ABLIM2: variants seen among roughly 807,000 people sequenced by gnomAD.
ABLIM2 encodes actin binding LIM protein family member 2, also known as actin-binding LIM protein 2.
ABLIM2 carries 53 observed loss-of-function variants against 97.7 expected under a neutral mutation model. The observed-to-expected ratio is 0.54, with a 90% CI of 0.44 to 0.68. ABLIM2 has a LOEUF of 0.68. ABLIM2 is among the 30% of genes least tolerant of loss of function. The probability of loss-of-function intolerance (pLI) is 0.00; values close to 1 mark genes in which losing one functional copy is unlikely to be tolerated. For synonymous variants in ABLIM2, 361 were observed against 345.8 expected, an observed-to-expected ratio of 1.04 and a Z score of -0.49; for missense variants, 835 against 867.2, an observed-to-expected ratio of 0.96 and a Z score of 0.47.
At position 7,996,561 on chromosome 4, in the gene ABLIM2, C is replaced by A. The variant is rs1042879057; in HGVS notation, c.1619-3634G>T. 3.3e-5 allele frequency among the ~76,000 whole-genome samples: 5 copies of A among 152,190 alleles called. No homozygotes were observed. Among genetic ancestry groups the A allele is most frequent in the African/African-American group, 9.6e-5 (4 of 41,458 alleles). On this transcript the variant is annotated intron_variant, in intron 16 of 20. Transcript: ENST00000447017. This position sits in a 1 kb window ranked among gnomAD's most constrained non-coding sequence, Gnocchi z 4.5. ...CCCTGAGCACCCGTATCAGATGGTG[C>A]TAGAAATTCTGCTTCAACCATCCAA...
rs1458240922 is a variant in ABLIM2, at chr4:8,001,102, C to T, written c.1618+6957G>A. ...CACAGGTTCGGGTCCCCTCTCTGAGCCTTGGTGTGTCCATCTGAGGAAGAC... is the reference window on the plus strand; with the variant it reads ...CACAGGTTCGGGTCCCCTCTCTGAGTCTTGGTGTGTCCATCTGAGGAAGAC... On this transcript the variant is annotated intron_variant, in intron 16 of 20. Transcript: ENST00000447017. This position sits in a 1 kb window ranked among gnomAD's most constrained non-coding sequence, Gnocchi z 4.2. 2.0e-5 allele frequency among the ~76,000 whole-genome samples: 3 copies of T among 152,170 alleles called. No individual in the cohort carries two copies. Among genetic ancestry groups the T allele is most frequent in the Non-Finnish European group, 4.4e-5 (3 of 68,026 alleles).
chr4:8,038,976 G>A (rs564529417), intron 9 of ABLIM2, among the ~76,000 whole-genome samples: 1 of 152,196 alleles, frequency 6.6e-6, no homozygotes, highest in African/African-American at 2.4e-5. Flanking sequence ...TCTTCCCTAA[G>A]CTCTGCCTCT....
At position 8,083,252 on chromosome 4, in the gene ABLIM2, C is replaced by T. The variant is rs1821098037; in HGVS notation, c.455-2450G>A. Among the ~76,000 whole-genome samples, 1 of 152,326 alleles carries T rather than the reference C, an allele frequency of 6.6e-6. No individual in the cohort carries two copies. The highest frequency in any genetic ancestry group is 1.9e-4 in the East Asian group (1 of 5,180). ...GCGGTCAGATCCCAGCAATGCCCCCCACCGGCTGTGACCTGGGGAAGTCAC... is the reference window on the plus strand; with the variant it reads ...GCGGTCAGATCCCAGCAATGCCCCCTACCGGCTGTGACCTGGGGAAGTCAC... On this transcript the variant is annotated intron_variant, in intron 4 of 20. Coordinates refer to ENST00000447017, the MANE Select transcript of ABLIM2 (RefSeq NM_001130083.2). The surrounding 1 kb of genome is among the most constrained non-coding windows in gnomAD (Gnocchi z 4.6).
In ABLIM2 at chr4:7,969,371, T is replaced by C. The variant is rs1338569266; in HGVS notation, c.1825-2268A>G. On this transcript the variant is annotated intron_variant, in intron 20 of 20. Transcript: ENST00000447017. ...GAGGAGGCTGAGGTGGGAGGATCTC[T>C]TGAAGCCAGGGGGTTGAAGCTGCAG... is the stretch of plus-strand genomic sequence containing the variant. Among the ~76,000 whole-genome samples, 3 of 152,126 alleles carry C rather than the reference T, an allele frequency of 2.0e-5. No homozygotes were observed. In the East Asian group the frequency reaches 5.8e-4, roughly 29 times the overall value.
At chr4:8,126,036 C>T (rs746565651) in intron 1 of ABLIM2, among the ~76,000 whole-genome samples, 7 of 152,168 alleles carry the variant, frequency 4.6e-5, no homozygotes, top group South Asian at 4.1e-4. Context: ...CCAAGCCCCA[C>T]GGTGAGGTCA....
chr4:8,009,094 G>A lies in ABLIM2; in HGVS notation c.1432C>T (p.Arg478Ter), dbSNP rs770207725. 4 of 1,613,930 alleles carry A rather than the reference G, an allele frequency of 2.5e-6. No homozygotes were observed. Among genetic ancestry groups the A allele is most frequent in the African/African-American group, 1.3e-5 (1 of 75,010 alleles). Reference sequence around the variant, plus strand: ...AAGCTTCCATCCTCCCCATCCGATCGCCTGGCAGCTGGAAGGGAAAAATCC... The same window carrying A: ...AAGCTTCCATCCTCCCCATCCGATCACCTGGCAGCTGGAAGGGAAAAATCC... Reference protein sequence around the residue: ...PPIYRQHAARRSDGEDGSLDQ... With the variant: ...PPIYRQHAAR The change falls in exon 15 of 21, where the codon CGA (arginine) becomes TGA (stop). Residue 478 changes from arginine (R) to a stop codon, truncating the protein, a stop_gained. Coordinates refer to ENST00000447017, the MANE Select transcript of ABLIM2 (RefSeq NM_001130083.2). LOFTEE classifies it high-confidence loss of function.
intron 1 of ABLIM2, among the ~76,000 whole-genome samples, chr4:8,156,279 G>A (rs1049302537): frequency 6.7e-6 from 1 of 148,698 alleles, no homozygotes; most frequent in Non-Finnish European, 1.5e-5. Context: ...GTGAGATGAA[G>A]CTACACCACA....
chr4:8,045,898 C>T (rs948412523), intron 8 of ABLIM2, among the ~76,000 whole-genome samples: 5 of 152,118 alleles, frequency 3.3e-5, no homozygotes, highest in African/African-American at 9.7e-5. Context: ...CCTGGGAACA[C>T]GGGACCATCT....
chr4:7,967,205 T>C (rs541243416), intron 20 of ABLIM2, 102 bp from the exon 21 acceptor site: 292 of 961,548 alleles, frequency 3.0e-4, no homozygotes, highest in Non-Finnish European at 4.5e-4. Flanking sequence ...CAGGATTGCA[T>C]TGAGGATGGG....
At chr4:7,971,705 C>T (rs1430274839) in intron 20 of ABLIM2, among the ~76,000 whole-genome samples, 1 of 152,118 alleles carries the variant, frequency 6.6e-6, no homozygotes, top group Admixed American at 6.5e-5. Flanking sequence ...GGACAGGTTG[C>T]CCTGGCCTAC....
chr4:8,034,015 C>T (rs1044943188), intron 10 of ABLIM2, among the ~76,000 whole-genome samples: 2 of 152,188 alleles, frequency 1.3e-5, no homozygotes, highest in Non-Finnish European at 2.9e-5. Flanking sequence ...GGAGGAGGAT[C>T]GTGAGGCCAG....
At position 8,043,058 on chromosome 4, in the gene ABLIM2, G is replaced by A. The variant is rs1789780859; in HGVS notation, c.900+2106C>T. Among the ~76,000 whole-genome samples the A allele has an allele frequency of 6.6e-6, 1 of 151,528 alleles. No individual in the cohort carries two copies. The highest frequency in any genetic ancestry group is 2.1e-4 in the South Asian group (1 of 4,778). Reference sequence around the variant, plus strand: ...CCCAGCTACTCGGGATGCTGAGGTGGGAGGATCGCCTGAGCCCGGGGAGGT... The same window carrying A: ...CCCAGCTACTCGGGATGCTGAGGTGAGAGGATCGCCTGAGCCCGGGGAGGT... On this transcript the variant is annotated intron_variant, in intron 9 of 20. Coordinates refer to ENST00000447017, the MANE Select transcript of ABLIM2 (RefSeq NM_001130083.2). The surrounding 1 kb of genome is among the most constrained non-coding windows in gnomAD (Gnocchi z 4.8).
intron 17 of ABLIM2, among the ~76,000 whole-genome samples, chr4:7,985,287 C>A (rs971511730): frequency 4.6e-5 from 7 of 152,184 alleles, no homozygotes; most frequent in South Asian, 2.1e-4. Context: ...CTAGGCACAG[C>A]GCTCTGCGGT....
chr4:8,022,350 G>A lies in ABLIM2; in HGVS notation c.1268-2047C>T, dbSNP rs1774311572. The stretch of plus-strand genomic sequence containing the variant: ...TGTCCCTCCCCAGTTCCCAGCCACA[G>A]GGCAGCATCCCCTGAAGTTTCAAAC... On this transcript the variant is annotated intron_variant, in intron 12 of 20. Coordinates refer to ENST00000447017, the MANE Select transcript of ABLIM2 (RefSeq NM_001130083.2). This position sits in a 1 kb window ranked among gnomAD's most constrained non-coding sequence, Gnocchi z 7.8. 1.3e-5 allele frequency among the ~76,000 whole-genome samples: 2 copies of A among 152,324 alleles called. 1 individual carries two copies. Among genetic ancestry groups the A allele is most frequent in the African/African-American group, 4.8e-5 (2 of 41,584 alleles).
intron 9 of ABLIM2, 66 bp downstream of exon 9, chr4:8,045,098 G>T: frequency 2.7e-6 from 4 of 1,465,830 alleles, no homozygotes; most frequent in Non-Finnish European, 3.8e-6. Context: ...GCTTAGCCAC[G>T]GCCACCGGGC....
At chr4:8,098,679 T>C (rs1029005998) in intron 2 of ABLIM2, among the ~76,000 whole-genome samples, 2 of 152,326 alleles carry the variant, frequency 1.3e-5, no homozygotes, top group Middle Eastern at 3.4e-3. Context: ...ACCCGCGTAG[T>C]GTGCTGTGTG....
At chr4:8,038,877 A>G (rs563330264) in intron 9 of ABLIM2, among the ~76,000 whole-genome samples, 1 of 152,296 alleles carries the variant, frequency 6.6e-6, no homozygotes, top group African/African-American at 2.4e-5. Context: ...CATGCCACTT[A>G]GCACTCAAGT....
chr4:8,078,104 G>C (rs1293345112), intron 5 of ABLIM2, among the ~76,000 whole-genome samples: 5 of 152,142 alleles, frequency 3.3e-5, no homozygotes, highest in East Asian at 1.9e-4. Flanking sequence ...AGCCAAAGAG[G>C]GGGGACAGTA....
rs1560999455 is a variant in ABLIM2, at chr4:8,054,431, G to C, written c.764-185C>G. ...CCGGGCAGGGGGTACCCAGATCACAGTCCCCGCCCCTCAGGGGCTCACAGC... is the reference window on the plus strand; with the variant it reads ...CCGGGCAGGGGGTACCCAGATCACACTCCCCGCCCCTCAGGGGCTCACAGC... On this transcript the variant is annotated intron_variant, in intron 7 of 20. Transcript: ENST00000447017. The surrounding 1 kb of genome is among the most constrained non-coding windows in gnomAD (Gnocchi z 4.9). Among the ~76,000 whole-genome samples the C allele has an allele frequency of 6.6e-6, 1 of 152,230 alleles. No individual in the cohort carries two copies. Among genetic ancestry groups the C allele is most frequent in the Non-Finnish European group, 1.5e-5 (1 of 68,042 alleles).
Sources: gnomAD v4.1 joint callset for allele counts (sites outside exome capture counted in the v4.1 genomes callset) on GRCh38, gnomAD v4.1.1 for gene constraint, Gnocchi (gnomAD v3.1) non-coding constraint, MANE v1.5 for transcripts, NCBI Gene and HGNC (gene_info 2026-07-23, HGNC 2026-07-21) for gene names.